The following LRRTM4 variants were observed in gnomAD, a reference collection of about 807,000 sequenced individuals.
The protein encoded by LRRTM4 is leucine-rich repeat transmembrane neuronal protein 4.
LRRTM4 carries 25 observed loss-of-function variants against 47.6 expected under a neutral mutation model. The observed-to-expected ratio is 0.53, with a 90% CI of 0.38 to 0.73. The LOEUF (loss-of-function observed/expected upper bound fraction) is 0.73, where lower values mean the gene tolerates loss of function less well. LRRTM4 is among the 30% of genes least tolerant of loss of function. The probability of loss-of-function intolerance (pLI) is 0.00; values close to 1 mark genes in which losing one functional copy is unlikely to be tolerated. For missense variants in LRRTM4, 638 were observed against 713.4 expected, an observed-to-expected ratio of 0.89 and a Z score of 1.20; for synonymous variants, 311 against 269.5, an observed-to-expected ratio of 1.15 and a Z score of -1.51.
chr2:77,325,651 C>A (rs182797640), intron 3 of LRRTM4, among the ~76,000 whole-genome samples: 137 of 152,228 alleles, frequency 9.0e-4, no homozygotes, highest in African/African-American at 3.2e-3. Flanking sequence ...AGTGTGGGAA[C>A]TTTACCCTTT....
intron 3 of LRRTM4, among the ~76,000 whole-genome samples, chr2:76,766,707 C>A (rs192758427): frequency 2.0e-5 from 3 of 152,204 alleles, no homozygotes; most frequent in African/African-American, 7.2e-5. Context: ...GTTTCTGCTA[C>A]AGCAGTAGTT....
chr2:77,082,734 GA>G (rs1296312144), intron 3 of LRRTM4, among the ~76,000 whole-genome samples: 25 of 151,944 alleles, frequency 1.6e-4, no homozygotes, highest in African/African-American at 5.3e-4. Context: ...TAATGTCAGA[GA>G]AAAAAAGTCT....
intron 3 of LRRTM4, among the ~76,000 whole-genome samples, chr2:77,164,766 G>A (rs1390386627): frequency 1.3e-5 from 2 of 152,134 alleles, no homozygotes; most frequent in African/African-American, 4.8e-5. Flanking sequence ...TGAAACCAGT[G>A]AGAACAAAGA....
chr2:77,353,297 A>T (rs1365818966), intron 3 of LRRTM4, among the ~76,000 whole-genome samples: 2 of 152,224 alleles, frequency 1.3e-5, no homozygotes. Flanking sequence ...TATAAATATG[A>T]CTACAGAACT....
At chr2:77,357,614 G>A (rs1395850104) in intron 3 of LRRTM4, among the ~76,000 whole-genome samples, 1 of 152,116 alleles carries the variant, frequency 6.6e-6, no homozygotes, top group East Asian at 1.9e-4. Context: ...GCTATATTAG[G>A]TGTTAAGACA....
intron 3 of LRRTM4, among the ~76,000 whole-genome samples, chr2:76,805,969 C>G (rs150242221): frequency 1.4e-3 from 217 of 152,264 alleles, no homozygotes; most frequent in African/African-American, 5.0e-3. Context: ...CGAAGGACCA[C>G]AAGAACCCTA....
chr2:76,885,308 A>G (rs1321691491), intron 3 of LRRTM4, among the ~76,000 whole-genome samples: 2 of 152,062 alleles, frequency 1.3e-5, no homozygotes, highest in African/African-American at 4.8e-5. Context: ...ATTAGACTGT[A>G]AACTGAAAGA....
In LRRTM4 at chr2:76,856,740, A is replaced by C. The variant is rs931191716; in HGVS notation, c.1552-107824T>G. ...AAATATTTTCTTTCCCTTATATGTC[A>C]TTAAGCTAAATATGTGCTATGAACC... On this transcript the variant is annotated intron_variant, in intron 3 of 3. Coordinates refer to ENST00000409884, the MANE Select transcript of LRRTM4 (RefSeq NM_001134745.3). Among the ~76,000 whole-genome samples, 33 of 152,136 alleles carry C rather than the reference A, an allele frequency of 2.2e-4. 1 individual carries two copies. The highest frequency in any genetic ancestry group is 3.8e-4 in the Non-Finnish European group (26 of 68,012).
At chr2:77,248,217 T>A (rs1284725052) in intron 3 of LRRTM4, among the ~76,000 whole-genome samples, 1 of 151,564 alleles carries the variant, frequency 6.6e-6, no homozygotes, top group African/African-American at 2.4e-5. Flanking sequence ...TAATTGTGTG[T>A]TTTATGTGAG....
intron 3 of LRRTM4, among the ~76,000 whole-genome samples, chr2:76,974,677 C>T (rs62171960): frequency 0.13 from 19,132 of 151,398 alleles, 1,460 homozygotes; most frequent in Admixed American, 0.19. Context: ...TGTGCTAGAA[C>T]TTGGGAGAAA....
intron 3 of LRRTM4, among the ~76,000 whole-genome samples, chr2:77,470,738 C>T (rs1677157283): frequency 6.6e-6 from 1 of 152,264 alleles, no homozygotes; most frequent in East Asian, 1.9e-4. Context: ...AAACTACTCT[C>T]TGCAGTTTCT....
intron 3 of LRRTM4, among the ~76,000 whole-genome samples, chr2:77,245,325 T>C (rs1452210738): frequency 1.3e-5 from 2 of 151,910 alleles, no homozygotes; most frequent in African/African-American, 4.8e-5. Flanking sequence ...GGTGGGAGGA[T>C]TGCTTGAGTA....
At chr2:77,433,499 G>A (rs1030148484) in intron 3 of LRRTM4, among the ~76,000 whole-genome samples, 1 of 152,100 alleles carries the variant, frequency 6.6e-6, no homozygotes, top group Non-Finnish European at 1.5e-5. Flanking sequence ...ATCTAAAAAT[G>A]ACTAGATCTT....
At chr2:77,216,944 G>A (rs1474303586) in intron 3 of LRRTM4, among the ~76,000 whole-genome samples, 5 of 151,886 alleles carry the variant, frequency 3.3e-5, no homozygotes, top group Non-Finnish European at 7.4e-5. Flanking sequence ...GTGGTGGAGG[G>A]CACCTGTAGT....
chr2:76,870,566 GT>G, intron 3 of LRRTM4, among the ~76,000 whole-genome samples: 1 of 152,230 alleles, frequency 6.6e-6, no homozygotes, highest in Admixed American at 6.5e-5. Context: ...AGCCAGCTCT[GT>G]ATAGTGTCTT....
chr2:77,075,472 A>G (rs535470025), intron 3 of LRRTM4, among the ~76,000 whole-genome samples: 139 of 152,308 alleles, frequency 9.1e-4, no homozygotes, highest in African/African-American at 3.3e-3. Flanking sequence ...AGGAGGATAT[A>G]GCCAAGGTGG....
intron 3 of LRRTM4, among the ~76,000 whole-genome samples, chr2:76,811,769 T>C (rs113321301): frequency 0.016 from 2,369 of 152,262 alleles, 54 homozygotes; most frequent in African/African-American, 0.05. Context: ...ATTTTTATTT[T>C]ACCTGTCCTG....
intron 3 of LRRTM4, among the ~76,000 whole-genome samples, chr2:77,498,589 T>C (rs1377931848): frequency 6.6e-6 from 1 of 151,842 alleles, no homozygotes; most frequent in East Asian, 1.9e-4. Flanking sequence ...CATTAAATAT[T>C]CTTGGGCCTG....
At chr2:76,781,924 A>ATAATATAAC in intron 3 of LRRTM4, among the ~76,000 whole-genome samples, 2 of 152,294 alleles carry the variant, frequency 1.3e-5, no homozygotes, top group Non-Finnish European at 2.9e-5. Context: ...TGATCATCAG[A>ATAATATAAC]AGCTGCTTCT....
Sources: allele counts gnomAD v4.1 joint callset (sites outside exome capture counted in the v4.1 genomes callset), GRCh38; gene constraint gnomAD v4.1.1; transcripts MANE v1.5; gene names NCBI Gene and HGNC (gene_info 2026-07-23, HGNC 2026-07-21).